The following ANXA4 variants were observed in gnomAD, a reference collection of about 807,000 sequenced individuals.
ANXA4 encodes annexin A4, also known as 35-beta calcimedin.
ANXA4 carries 39 observed loss-of-function variants against 49.8 expected under a neutral mutation model. The observed-to-expected ratio is 0.78, with a 90% CI of 0.61 to 1.02. The LOEUF is 1.02. Ranked by LOEUF, ANXA4 falls within the 50% of genes least tolerant of loss-of-function variation. The pLI, the probability that ANXA4 is intolerant of heterozygous loss-of-function variation, is 0.00. For synonymous variants in ANXA4, 134 were observed against 152.5 expected (o/e 0.88, Z 0.89); for missense variants, 360 against 410.1 (o/e 0.88, Z 1.05).
chr2:69,643,864 C>T, upstream of ANXA4: 1 of 1,178,298 alleles, frequency 8.5e-7, no homozygotes, highest in Non-Finnish European at 1.0e-6. Context: ...CCTGCAACCG[C>T]CGTTCTGTCG....
At chr2:69,689,938 G>A (rs1484548394) in intron 2 of ANXA4, among the ~76,000 whole-genome samples, 1 of 151,578 alleles carries the variant, frequency 6.6e-6, no homozygotes. Context: ...AAAAAAATAA[G>A]GAAACATTTT....
At position 69,810,623 on chromosome 2, in the gene ANXA4, C is replaced by A. The variant is rs755577388; in HGVS notation, c.427C>A (p.Arg143Ser). Residue 143 changes from arginine to serine, a missense_variant, in exon 7 of 13, where the codon CGC (arginine) becomes AGC (serine). Coordinates refer to ENST00000394295, the MANE Select transcript of ANXA4 (RefSeq NM_001153.5). ...QYGRSLEDDIRSDTSFMFQRV... is the reference protein window; with the variant it reads ...QYGRSLEDDISSDTSFMFQRV... ...TGGACGGAGCCTTGAAGATGACATT[C>A]GCTCTGACACATCGTTCATGTTCCA... 21 of 1,613,996 alleles carry A rather than the reference C, an allele frequency of 1.3e-5. No homozygotes were observed. The highest frequency in any genetic ancestry group is 2.5e-6 in the Non-Finnish European group (3 of 1,179,992).
intron 1 of ANXA4, among the ~76,000 whole-genome samples, chr2:69,749,016 AC>A (rs2105487134): frequency 6.6e-6 from 1 of 152,036 alleles, no homozygotes; most frequent in South Asian, 2.1e-4. Context: ...CCTGGCCTAC[AC>A]CCTACTTTTT....
At chr2:69,755,426 C>T (rs1162457383) in intron 1 of ANXA4, among the ~76,000 whole-genome samples, 1 of 152,154 alleles carries the variant, frequency 6.6e-6, no homozygotes, top group Non-Finnish European at 1.5e-5. Context: ...TGAAGACTAG[C>T]CTGGACAACA....
At chr2:69,679,963 A>G (rs4852912) in intron 2 of ANXA4, among the ~76,000 whole-genome samples, 22,161 of 151,712 alleles carry the variant, frequency 0.15, 2,287 homozygotes, top group East Asian at 0.37. Context: ...TGTTCTTTTT[A>G]CTCAGGATTG....
At chr2:69,648,887 T>C (rs1021767916) in intron 1 of ANXA4, among the ~76,000 whole-genome samples, 18 of 134,444 alleles carry the variant, frequency 1.3e-4, no homozygotes, top group African/African-American at 2.8e-4. Context: ...TTCTTTCTTT[T>C]CTTTTTTTTT....
intron 2 of ANXA4, among the ~76,000 whole-genome samples, chr2:69,675,723 C>T (rs368501789): frequency 2.0e-5 from 3 of 152,156 alleles, no homozygotes; most frequent in African/African-American, 7.2e-5. Context: ...GCAACGTGAA[C>T]GTATCTAATG....
chr2:69,800,014 G>C (rs1158265130), intron 3 of ANXA4, among the ~76,000 whole-genome samples: 1 of 152,178 alleles, frequency 6.6e-6, no homozygotes, highest in East Asian at 1.9e-4. Flanking sequence ...TGTTGAGAAG[G>C]TAAAGTATAG....
chr2:69,783,999 C>A lies in ANXA4; in HGVS notation c.9+2425C>A, dbSNP rs189211100. Among the ~76,000 whole-genome samples, 3 of 152,236 alleles carry A rather than the reference C, an allele frequency of 2.0e-5. No homozygotes were observed. The East Asian group carries it at 5.8e-4, about 29-fold the overall frequency. On this transcript the variant is annotated intron_variant, in intron 2 of 12. Transcript: ENST00000394295. Reference sequence around the variant, plus strand: ...GTATTCCATTGTATTGTACTCTGATCTTTTTGGCATGTATCTTCTTCATTA... The same window carrying A: ...GTATTCCATTGTATTGTACTCTGATATTTTTGGCATGTATCTTCTTCATTA...
At chr2:69,681,510 A>G (rs757163530) in intron 2 of ANXA4, among the ~76,000 whole-genome samples, 1 of 151,942 alleles carries the variant, frequency 6.6e-6, no homozygotes, top group African/African-American at 2.4e-5. Flanking sequence ...GATTACAGGC[A>G]CGTGCCACCA....
At chr2:69,797,759 C>T (rs1673004515) in intron 3 of ANXA4, among the ~76,000 whole-genome samples, 1 of 152,214 alleles carries the variant, frequency 6.6e-6, no homozygotes, top group Non-Finnish European at 1.5e-5. Context: ...TTTTGGAGGA[C>T]ATGTTCCTCC....
At chr2:69,774,270 A>C (rs1370219201) in intron 1 of ANXA4, among the ~76,000 whole-genome samples, 1 of 151,880 alleles carries the variant, frequency 6.6e-6, no homozygotes, top group South Asian at 2.1e-4. Flanking sequence ...AGAAAATTCA[A>C]TAAGACTCCC....
At chr2:69,812,597 C>T in intron 7 of ANXA4, 56 bp from the exon 8 acceptor site, 1 of 1,473,348 alleles carries the variant, frequency 6.8e-7, no homozygotes, top group Middle Eastern at 1.7e-4. Flanking sequence ...TAATGGTGTC[C>T]CCAGATCTTC....
At chr2:69,714,405 AC>A (rs1678801914) in intron 2 of ANXA4, among the ~76,000 whole-genome samples, 1 of 152,036 alleles carries the variant, frequency 6.6e-6, no homozygotes, top group Admixed American at 6.5e-5. Flanking sequence ...ACAAGCACCT[AC>A]TCCTGGCAAC....
chr2:69,758,337 C>T (rs1671144025), intron 1 of ANXA4, among the ~76,000 whole-genome samples: 1 of 152,214 alleles, frequency 6.6e-6, no homozygotes, highest in Non-Finnish European at 1.5e-5. Flanking sequence ...TAAAAGGAGA[C>T]CAAGCACAGA....
chr2:69,735,041 G>A (rs1022190894), intron 3 of ANXA4, among the ~76,000 whole-genome samples: 17 of 152,100 alleles, frequency 1.1e-4, no homozygotes, highest in African/African-American at 4.1e-4. Context: ...CTTTGATACT[G>A]GGGAATTGTA....
At chr2:69,717,855 C>A (rs1669690949) in intron 2 of ANXA4, among the ~76,000 whole-genome samples, 1 of 152,130 alleles carries the variant, frequency 6.6e-6, no homozygotes, top group Non-Finnish European at 1.5e-5. Flanking sequence ...AGATGACAGG[C>A]AAACTAAGAG....
rs79111646 is a variant in ANXA4, at chr2:69,777,818, C to A, written c.-46-3702C>A. On this transcript the variant is annotated intron_variant, in intron 1 of 12. Coordinates refer to ENST00000394295, the MANE Select transcript of ANXA4 (RefSeq NM_001153.5). ...ACTCAGAGATGCCTTCCGGATCGCC[C>A]TGCCCAGGCCAGCTTCTTCCTGGTA... 6.1e-3 allele frequency among the ~76,000 whole-genome samples: 922 copies of A among 152,342 alleles called. 6 individuals are homozygous for A. Among genetic ancestry groups the A allele is most frequent in the South Asian group, 0.018 (88 of 4,828 alleles).
chr2:69,762,595 A>G (rs1366911785), intron 1 of ANXA4, among the ~76,000 whole-genome samples: 2 of 152,084 alleles, frequency 1.3e-5, no homozygotes, highest in African/African-American at 4.8e-5. Context: ...ATAAATAAGT[A>G]TGTATTTATG....
Sources: gnomAD v4.1 joint callset for allele counts (sites outside exome capture counted in the v4.1 genomes callset) on GRCh38, gnomAD v4.1.1 for gene constraint, MANE v1.5 for transcripts, NCBI Gene and HGNC (gene_info 2026-07-23, HGNC 2026-07-21) for gene names.